The following ARL6IP6 variants were observed in gnomAD, a reference collection of about 807,000 sequenced individuals.
ARL6IP6 encodes the protein ADP-ribosylation factor-like protein 6-interacting protein 6.
ARL6IP6 carries 22 observed loss-of-function variants against 21.5 expected under a neutral mutation model. The observed-to-expected ratio is 1.02, with a 90% CI of 0.73 to 1.46. The LOEUF is 1.46. Among genes scored for constraint, ARL6IP6 ranks in the 40% most tolerant of loss-of-function variants. The probability of loss-of-function intolerance (pLI) is 0.00; values close to 1 mark genes in which losing one functional copy is unlikely to be tolerated. For missense variants in ARL6IP6, 388 were observed against 299.8 expected (o/e 1.29, Z -2.17); for synonymous variants, 164 against 125.3 (o/e 1.31, Z -2.06).
intron 3 of ARL6IP6, among the ~76,000 whole-genome samples, chr2:152,745,081 A>G (rs1700983978): frequency 6.6e-6 from 1 of 152,200 alleles, no homozygotes; most frequent in South Asian, 2.1e-4. Flanking sequence ...AGCAGCAGAT[A>G]GTAAAATACT....
chr2:152,750,876 G>C (rs972740727), intron 3 of ARL6IP6, among the ~76,000 whole-genome samples: 8 of 152,302 alleles, frequency 5.3e-5, no homozygotes, highest in African/African-American at 1.9e-4. Flanking sequence ...GAATTTCTTT[G>C]TGAATTTGTT....
chr2:152,719,539 G>T (rs1360660057), intron 1 of ARL6IP6, among the ~76,000 whole-genome samples: 2 of 152,104 alleles, frequency 1.3e-5, no homozygotes, highest in Non-Finnish European at 2.9e-5. Flanking sequence ...GTATCCAGGT[G>T]TAGTGCACGG....
chr2:152,744,193 T>G (rs1418156826), intron 3 of ARL6IP6, among the ~76,000 whole-genome samples: 2 of 152,170 alleles, frequency 1.3e-5, no homozygotes, highest in Non-Finnish European at 2.9e-5. Context: ...GACCAAAACC[T>G]TCAAAGTCAT....
chr2:152,726,673 C>A (rs1306815154), intron 2 of ARL6IP6, among the ~76,000 whole-genome samples: 1 of 152,176 alleles, frequency 6.6e-6, no homozygotes, highest in Non-Finnish European at 1.5e-5. Flanking sequence ...ATAGTTTTTA[C>A]AACTTTTAAA....
intron 3 of ARL6IP6, among the ~76,000 whole-genome samples, 170 bp downstream of exon 3, chr2:152,735,296 A>G (rs959377603): frequency 3.3e-5 from 5 of 152,216 alleles, no homozygotes; most frequent in African/African-American, 1.2e-4. Context: ...ATACATGAGA[A>G]TAATATTTAA....
intron 2 of ARL6IP6, among the ~76,000 whole-genome samples, chr2:152,723,203 C>T (rs1699874408): frequency 6.6e-6 from 1 of 152,122 alleles, no homozygotes; most frequent in Admixed American, 6.5e-5. Flanking sequence ...ATCCTTTTTA[C>T]AATTAATAAG....
At chr2:152,734,108 A>G (rs1450037237) in intron 2 of ARL6IP6, among the ~76,000 whole-genome samples, 1 of 152,210 alleles carries the variant, frequency 6.6e-6, no homozygotes, top group Non-Finnish European at 1.5e-5. Context: ...ATGGGTTATG[A>G]ATAGTATCCA....
At chr2:152,732,117 T>C (rs1376159806) in intron 2 of ARL6IP6, among the ~76,000 whole-genome samples, 1 of 151,894 alleles carries the variant, frequency 6.6e-6, no homozygotes, top group Non-Finnish European at 1.5e-5. Flanking sequence ...TATACATCAT[T>C]TTATACAGGT....
chr2:152,751,489 T>C (rs1470069981), intron 3 of ARL6IP6, among the ~76,000 whole-genome samples: 3 of 152,192 alleles, frequency 2.0e-5, no homozygotes, highest in Non-Finnish European at 4.4e-5. Flanking sequence ...AACCTCCTGC[T>C]ATCCTCTCTC....
intron 3 of ARL6IP6, among the ~76,000 whole-genome samples, chr2:152,746,821 C>CTT (rs61506535): frequency 0.026 from 863 of 33,024 alleles, 29 homozygotes; most frequent in African/African-American, 0.073. Flanking sequence ...TTTATCCTTT[C>CTT]TTTTTTTTTT....
intron 3 of ARL6IP6, among the ~76,000 whole-genome samples, chr2:152,743,168 C>T (rs979499842): frequency 2.0e-5 from 3 of 152,068 alleles, no homozygotes; most frequent in South Asian, 2.1e-4. Flanking sequence ...CTGCACTCCA[C>T]GGTTCACATC....
intron 2 of ARL6IP6, 87 bp downstream of exon 2, chr2:152,720,673 T>G: frequency 1.7e-6 from 2 of 1,170,300 alleles, no homozygotes; most frequent in South Asian, 2.7e-5. Context: ...GATAAAATAC[T>G]TAATGTATTT....
chr2:152,754,421 T>A (rs1311164473), intron 3 of ARL6IP6, among the ~76,000 whole-genome samples: 1 of 152,270 alleles, frequency 6.6e-6, no homozygotes, highest in African/African-American at 2.4e-5. Flanking sequence ...TTTTTAAGGC[T>A]GCATGGTTTT....
intron 2 of ARL6IP6, among the ~76,000 whole-genome samples, chr2:152,721,852 C>T (rs1699808016): frequency 6.6e-6 from 1 of 152,204 alleles, no homozygotes; most frequent in Admixed American, 6.5e-5. Context: ...TTAGATATTG[C>T]ATGGAAACTT....
At chr2:152,725,046 T>C (rs1455668850) in intron 2 of ARL6IP6, among the ~76,000 whole-genome samples, 1 of 152,208 alleles carries the variant, frequency 6.6e-6, no homozygotes, top group African/African-American at 2.4e-5. Flanking sequence ...CATTGGACCA[T>C]TTTTCATTTC....
chr2:152,721,542 AT>A (rs1559221699), intron 2 of ARL6IP6, among the ~76,000 whole-genome samples: 1 of 152,156 alleles, frequency 6.6e-6, no homozygotes, highest in Non-Finnish European at 1.5e-5. Context: ...TTTTACTCCT[AT>A]TTGCTTTGAT....
intron 3 of ARL6IP6, among the ~76,000 whole-genome samples, chr2:152,756,389 A>C (rs367736936): frequency 1.8e-4 from 27 of 152,196 alleles, no homozygotes; most frequent in East Asian, 7.7e-4. Flanking sequence ...AAGATACAGA[A>C]TATCTTCATA....
At chr2:152,740,736 A>G (rs1700770706) in intron 3 of ARL6IP6, among the ~76,000 whole-genome samples, 1 of 152,068 alleles carries the variant, frequency 6.6e-6, no homozygotes, top group Non-Finnish European at 1.5e-5. Flanking sequence ...AGTTTATTAT[A>G]CAAAATAATG....
At chr2:152,722,642 C>T (rs566736242) in intron 2 of ARL6IP6, among the ~76,000 whole-genome samples, 30 of 152,262 alleles carry the variant, frequency 2.0e-4, no homozygotes, top group African/African-American at 6.5e-4. Context: ...GTGGCTCACA[C>T]GTATAATCCC....
Sources: allele counts gnomAD v4.1 joint callset (sites outside exome capture counted in the v4.1 genomes callset), GRCh38; gene constraint gnomAD v4.1.1; transcripts MANE v1.5; gene names NCBI Gene and HGNC (gene_info 2026-07-23, HGNC 2026-07-21).